Variants in AFF4 observed in about 807,000 individuals in gnomAD.
AFF4 encodes the protein ALF transcription elongation factor 4, also known as AF4/FMR2 family member 4.
Under a neutral mutation model 124.8 loss-of-function variants are expected in AFF4, and 13 were observed. The ratio of observed to expected loss-of-function variants is 0.10; its 90% CI spans 0.07 to 0.17. The LOEUF (loss-of-function observed/expected upper bound fraction) is 0.17, where lower values mean the gene tolerates loss of function less well. AFF4 is among the 10% of genes least tolerant of loss of function. The pLI, the probability that AFF4 is intolerant of heterozygous loss-of-function variation, is 1.00. For missense variants in AFF4, 1,092 were observed against 1,403.8 expected, an observed-to-expected ratio of 0.78 and a Z score of 3.55; for synonymous variants, 477 against 496.1, an observed-to-expected ratio of 0.96 and a Z score of 0.51.
At chr5:132,897,573 G>A (rs750114758) in intron 10 of AFF4, among the ~76,000 whole-genome samples, 9 of 152,078 alleles carry the variant, frequency 5.9e-5, no homozygotes, top group Admixed American at 6.6e-5. Flanking sequence ...AGTCAGATGC[G>A]GTGGCGCACG....
chr5:132,888,987 C>T lies in AFF4; in HGVS notation c.2732+92G>A, dbSNP rs555837410. On this transcript the variant is annotated intron_variant, in intron 14 of 20. Transcript: ENST00000265343. ...CTGGGATTACAAGCGTGAGCCACCGCGCCCGGCCAATGATAGAAATGAAAA... is the reference window on the plus strand; with the variant it reads ...CTGGGATTACAAGCGTGAGCCACCGTGCCCGGCCAATGATAGAAATGAAAA... 30 of 1,237,270 alleles carry T rather than the reference C, an allele frequency of 2.4e-5. No homozygotes were observed. The Admixed American group carries it at 3.4e-4, about 14-fold the overall frequency. 76.6% of individuals were successfully genotyped at this position (1,237,270 alleles called of 1,614,324 possible).
chr5:132,963,542 G>T lies in AFF4; in HGVS notation c.-288C>A, dbSNP rs993567487. On this transcript the variant is annotated 5_prime_UTR_variant, in exon 1 of 21. Transcript: ENST00000265343. ...GGGACAGCTGACTGAGGCGGCGGGG[G>T]CGGGTTAACGAAGACCTGGCACCAG... 6 of 398,104 alleles carry T rather than the reference G, an allele frequency of 1.5e-5. No homozygotes were observed. The highest frequency in any genetic ancestry group is 2.7e-5 in the Non-Finnish European group (6 of 225,848). 24.7% of individuals were successfully genotyped at this position (398,104 alleles called of 1,614,324 possible).
chr5:132,913,872 CAG>C (rs1298255012), intron 5 of AFF4, among the ~76,000 whole-genome samples: 1 of 152,110 alleles, frequency 6.6e-6, no homozygotes, highest in Non-Finnish European at 1.5e-5. Flanking sequence ...CAAATCAAAA[CAG>C]AAAATATGCA....
chr5:132,938,196 C>G (rs901617059), intron 1 of AFF4, among the ~76,000 whole-genome samples: 24 of 150,528 alleles, frequency 1.6e-4, no homozygotes, highest in South Asian at 2.1e-4. Context: ...ATTCATAAAT[C>G]AAATCAGAAA....
At chr5:132,885,799 G>GTC (rs1251545157) in intron 18 of AFF4, among the ~76,000 whole-genome samples, 1 of 152,102 alleles carries the variant, frequency 6.6e-6, no homozygotes, top group African/African-American at 2.4e-5. Context: ...TTGAGACAGA[G>GTC]TCTCTCTCTC....
Position 132,901,631 on chromosome 5 carries a change from C to G in AFF4, c.1133+811G>C, listed in dbSNP as rs565758741. 6.6e-5 allele frequency among the ~76,000 whole-genome samples: 10 copies of G among 152,122 alleles called. No individual in the cohort carries two copies. In the South Asian group the frequency reaches 1.9e-3, roughly 28 times the overall value. On this transcript the variant is annotated intron_variant, in intron 7 of 20. Transcript: ENST00000265343. ...ATTTTTATATATATTCCTGCTTCTA[C>G]CAACAAAATAAAAATAAGAAAACTT...
At position 132,934,959 on chromosome 5, in the gene AFF4, A is replaced by T. The variant is rs560533309; in HGVS notation, c.124-18T>A. 58 of 1,481,768 alleles carry T rather than the reference A, an allele frequency of 3.9e-5. No homozygotes were observed. The African/African-American group carries it at 4.8e-4, about 12-fold the overall frequency. 91.8% of individuals were successfully genotyped at this position (1,481,768 alleles called of 1,614,324 possible). On this transcript the variant is annotated intron_variant, in intron 2 of 20. Transcript: ENST00000265343. ...TTGCTAGTCTACAAAAAAATAAAAT[A>T]AAATAAAATTATAAAATGAGCATAA... is the stretch of plus-strand genomic sequence containing the variant.
intron 5 of AFF4, among the ~76,000 whole-genome samples, chr5:132,913,705 G>C (rs1014068893): frequency 1.3e-5 from 2 of 152,142 alleles, no homozygotes; most frequent in African/African-American, 2.4e-5. Flanking sequence ...GCCTTCTAAA[G>C]TGTTGGGATT....
At chr5:132,925,178 AAAATAAAT>A (rs59847844) in intron 5 of AFF4, among the ~76,000 whole-genome samples, 2,239 of 150,990 alleles carry the variant, frequency 0.015, 65 homozygotes, top group African/African-American at 0.052. Flanking sequence ...CCATCTCAGA[AAAATAAAT>A]AAATAAATAA....
At chr5:132,962,005 G>T (rs1762091025) in intron 1 of AFF4, among the ~76,000 whole-genome samples, 1 of 152,162 alleles carries the variant, frequency 6.6e-6, no homozygotes, top group African/African-American at 2.4e-5. Flanking sequence ...GAAATTTAAA[G>T]AAGCCAGCTT....
intron 5 of AFF4, among the ~76,000 whole-genome samples, chr5:132,909,780 G>A (rs1212707744): frequency 6.6e-6 from 1 of 152,200 alleles, no homozygotes; most frequent in Non-Finnish European, 1.5e-5. Context: ...CACTGCAACT[G>A]TGCATAAACT....
intron 5 of AFF4, among the ~76,000 whole-genome samples, chr5:132,915,508 G>A (rs150214000): frequency 6.6e-6 from 1 of 150,452 alleles, no homozygotes; most frequent in East Asian, 1.9e-4. Flanking sequence ...ATTCTGGACA[G>A]AAATATAATT....
intron 20 of AFF4, among the ~76,000 whole-genome samples, chr5:132,881,553 C>A (rs1198803846): frequency 2.0e-5 from 3 of 152,180 alleles, no homozygotes; most frequent in African/African-American, 7.2e-5. Flanking sequence ...GTATAAGAAG[C>A]AAGTGACACA....
At chr5:132,921,324 C>T (rs747802121) in intron 5 of AFF4, among the ~76,000 whole-genome samples, 6 of 152,058 alleles carry the variant, frequency 3.9e-5, no homozygotes, top group Non-Finnish European at 8.8e-5. Context: ...CACTATAATA[C>T]TGCTAGAAGG....
intron 1 of AFF4, among the ~76,000 whole-genome samples, chr5:132,961,762 T>C (rs1276822846): frequency 6.6e-6 from 1 of 152,166 alleles, no homozygotes; most frequent in Non-Finnish European, 1.5e-5. Context: ...GAAGCAAAAT[T>C]TTATTTAAAG....
intron 17 of AFF4, among the ~76,000 whole-genome samples, chr5:132,887,232 G>A (rs560504493): frequency 2.0e-4 from 30 of 152,322 alleles, no homozygotes; most frequent in African/African-American, 6.5e-4. Context: ...TGGAGAGAGC[G>A]GGTACCAAAT....
intron 10 of AFF4, 21 bp from the exon 11 acceptor site, chr5:132,897,261 T>C: frequency 1.2e-6 from 2 of 1,600,630 alleles, no homozygotes; most frequent in Non-Finnish European, 1.7e-6. Context: ...GAGAAATATG[T>C]ATGCTTTTTT....
intron 5 of AFF4, among the ~76,000 whole-genome samples, chr5:132,906,960 G>T (rs1760684209): frequency 6.6e-6 from 1 of 152,082 alleles, no homozygotes; most frequent in South Asian, 2.1e-4. Flanking sequence ...AAAATAAAAT[G>T]AAGATTCCTT....
intron 5 of AFF4, among the ~76,000 whole-genome samples, chr5:132,918,814 C>G (rs1189298851): frequency 6.6e-6 from 1 of 151,714 alleles, no homozygotes; most frequent in Non-Finnish European, 1.5e-5. Flanking sequence ...CCAAATTGAT[C>G]TATAGATCCA....
Sources: gnomAD v4.1 joint callset for allele counts (sites outside exome capture counted in the v4.1 genomes callset) on GRCh38, gnomAD v4.1.1 for gene constraint, MANE v1.5 for transcripts, NCBI Gene and HGNC (gene_info 2026-07-23, HGNC 2026-07-21) for gene names.